The following RO60 variants were observed in gnomAD, a reference collection of about 807,000 sequenced individuals.
RO60 encodes the protein Ro60, Y RNA binding protein, also known as RNA-binding protein RO60.
In RO60, 20 loss-of-function variants were observed where a neutral mutation model predicts 55.3. That is an observed-to-expected ratio of 0.36 (90% confidence interval 0.25 to 0.53). RO60 has a LOEUF of 0.53. Among genes scored for constraint, RO60 ranks in the 20% least tolerant of loss-of-function variants. The pLI, the probability that RO60 is intolerant of heterozygous loss-of-function variation, is 0.92. For missense variants in RO60, 558 were observed against 646.6 expected, an observed-to-expected ratio of 0.86 and a Z score of 1.49; for synonymous variants, 213 against 213.6, an observed-to-expected ratio of 1.00 and a Z score of 0.02.
downstream of RO60, chr1:193,091,609 C>T: frequency 6.6e-7 from 1 of 1,525,680 alleles, no homozygotes; most frequent in Non-Finnish European, 9.0e-7. Context: ...CATGATAAAA[C>T]AGTTTTCACT....
intron 1 of RO60, among the ~76,000 whole-genome samples, chr1:193,067,121 T>G (rs1302853334): frequency 6.6e-6 from 1 of 152,066 alleles, no homozygotes; most frequent in Admixed American, 6.5e-5. Context: ...TGCATTGTGA[T>G]TCTATCCCCA....
chr1:193,091,453 A>C (rs778111043), downstream of RO60: 406 of 490,570 alleles, frequency 8.3e-4, 1 homozygote, highest in Middle Eastern at 2.7e-3. Context: ...AAAGGAGGGG[A>C]CAGGGAGCTT....
At chr1:193,091,615 T>G, downstream of RO60, 1 of 1,570,818 alleles carries the variant, frequency 6.4e-7, no homozygotes, top group Non-Finnish European at 8.7e-7. Context: ...AAAACAGTTT[T>G]CACTGATACT....
rs950312706 is a variant in RO60 at position 193,090,361 on chromosome 1, C to T, written c.*5630C>T. The T allele has an allele frequency of 3.3e-5, 5 of 151,496 alleles. No individual in the cohort carries two copies. The highest frequency in any genetic ancestry group is 4.2e-4 in the South Asian group (2 of 4,802). 9.4% of individuals were successfully genotyped at this position (151,496 alleles called of 1,614,324 possible). A position where few individuals can be genotyped will look rare whatever the true frequency, so the allele number is the denominator to read the frequency against. ...TAACGTAAACTATATATAATCCATA[C>T]GTAGCCAAATTAGATTTAAAATATA... On this transcript the variant is annotated 3_prime_UTR_variant, in exon 9 of 9. Transcript: ENST00000400968.
intron 5 of RO60, among the ~76,000 whole-genome samples, chr1:193,080,114 A>G (rs977971266): frequency 1.3e-5 from 2 of 152,078 alleles, no homozygotes; most frequent in African/African-American, 4.8e-5. Flanking sequence ...CTGGGCAACA[A>G]GAGTGAAACT....
Position 193,085,146 on chromosome 1 carries a change from C to T in RO60, c.*415C>T. The T allele has an allele frequency of 7.3e-7, 1 of 1,377,114 alleles. No individual in the cohort carries two copies. The highest frequency in any genetic ancestry group is 9.4e-7 in the Non-Finnish European group (1 of 1,064,120). The allele number at this position is 1,377,114 out of a possible 1,614,324, so 85.3% of individuals were successfully genotyped here. On this transcript the variant is annotated 3_prime_UTR_variant, in exon 9 of 9. Coordinates refer to ENST00000400968, the MANE Select transcript of RO60 (RefSeq NM_001173524.2). ...ACAGCTTTGATAATGTCCAAATACT[C>T]TGAAATGCACTAGACCATATAACTG...
At chr1:193,079,318 G>A (rs915373393) in intron 5 of RO60, among the ~76,000 whole-genome samples, 2 of 152,032 alleles carry the variant, frequency 1.3e-5, no homozygotes, top group African/African-American at 4.8e-5. Flanking sequence ...TGAACTCCTT[G>A]CCTCAAGTGA....
chr1:193,084,047 T>C (rs752413076), intron 8 of RO60, among the ~76,000 whole-genome samples: 7 of 152,228 alleles, frequency 4.6e-5, no homozygotes, highest in Non-Finnish European at 8.8e-5. Flanking sequence ...AAACAGTGCA[T>C]TGTAGTTTCT....
Position 193,087,944 on chromosome 1 carries a change from A to G in RO60, c.*3213A>G, listed in dbSNP as rs556204729. 6.6e-6 allele frequency: 1 copy of G among 152,182 alleles called. No homozygotes were observed. The highest frequency in any genetic ancestry group is 2.1e-4 in the South Asian group (1 of 4,830). 9.4% of individuals were successfully genotyped at this position (152,182 alleles called of 1,614,324 possible). On this transcript the variant is annotated 3_prime_UTR_variant, in exon 9 of 9. Transcript: ENST00000400968. The stretch of plus-strand genomic sequence containing the variant: ...TCACTATTCTCTACTGAAGAGGGAG[A>G]AAAAATATACTCCAAGATCTTCTTG...
intron 5 of RO60, 84 bp from the exon 6 acceptor site, chr1:193,081,280 G>GT: frequency 1.4e-6 from 1 of 716,916 alleles, no homozygotes; most frequent in Non-Finnish European, 2.3e-6. Context: ...TCTTTTTAAT[G>GT]TAAGATAAGT....
At chr1:193,075,756 A>G in intron 2 of RO60, 64 bp from the exon 3 acceptor site, 1 of 1,228,334 alleles carries the variant, frequency 8.1e-7, no homozygotes, top group Admixed American at 2.2e-5. Context: ...CATTTTGAGG[A>G]AACATGTTCT....
intron 5 of RO60, among the ~76,000 whole-genome samples, chr1:193,081,099 T>A (rs1674279535): frequency 6.6e-6 from 1 of 152,164 alleles, no homozygotes; most frequent in Admixed American, 6.5e-5. Flanking sequence ...AAAAATAGGA[T>A]GGTAACTTAT....
intron 2 of RO60, among the ~76,000 whole-genome samples, chr1:193,074,613 T>A (rs6671794): frequency 0.022 from 3,307 of 152,258 alleles, 116 homozygotes; most frequent in African/African-American, 0.076. Flanking sequence ...GTTTGAGTTC[T>A]TTGTAGATTC....
At chr1:193,063,590 C>T (rs1209999470) in intron 1 of RO60, among the ~76,000 whole-genome samples, 1 of 151,930 alleles carries the variant, frequency 6.6e-6, no homozygotes, top group East Asian at 1.9e-4. Flanking sequence ...TTTATTTTGT[C>T]ACTTTTGCCT....
At chr1:193,079,942 C>T (rs932817776) in intron 5 of RO60, among the ~76,000 whole-genome samples, 3 of 144,670 alleles carry the variant, frequency 2.1e-5, no homozygotes, top group Non-Finnish European at 3.0e-5. Flanking sequence ...GCCTGGCCAA[C>T]ATGGTGATAC....
chr1:193,075,789 C>G, intron 2 of RO60, 31 bp from the exon 3 acceptor site: 5 of 1,499,588 alleles, frequency 3.3e-6, no homozygotes, highest in Non-Finnish European at 3.6e-6. Flanking sequence ...GGTAATCCTG[C>G]ATGCTTTTTC....
At position 193,088,559 on chromosome 1, in the gene RO60, GACTT is replaced by G. The variant is rs1161556508; in HGVS notation, c.*3833_*3836del. The G allele has an allele frequency of 3.3e-5, 5 of 151,968 alleles. No individual in the cohort carries two copies. Among genetic ancestry groups the G allele is most frequent in the Admixed American group, 3.3e-4 (5 of 15,246 alleles). 9.4% of individuals were successfully genotyped at this position (151,968 alleles called of 1,614,324 possible). ...CCTAAATCATTGTAATGTTTTGTTG[GACTT>G]ACTTTAACTTGACCTGTTGTAGCCA... On this transcript the variant is annotated 3_prime_UTR_variant, in exon 9 of 9. Transcript: ENST00000400968.
intron 1 of RO60, among the ~76,000 whole-genome samples, chr1:193,061,713 C>T (rs1278710513): frequency 2.0e-5 from 3 of 152,192 alleles, no homozygotes; most frequent in Admixed American, 6.5e-5. Flanking sequence ...GGCCGGGCAC[C>T]GTGGCTCACG....
Position 193,060,104 on chromosome 1 carries a change from C to G in RO60, c.-22+328C>G. 1.1e-5 allele frequency: 14 copies of G among 1,220,500 alleles called. No individual in the cohort carries two copies. In the Middle Eastern group the frequency reaches 1.1e-3, roughly 98 times the overall value. The allele number at this position is 1,220,500 out of a possible 1,614,324, so 75.6% of individuals were successfully genotyped here. A position where few individuals can be genotyped will look rare whatever the true frequency, so the allele number is the denominator to read the frequency against. ...CTGCTTTACTCCTCCTCTTTCTCCT[C>G]CTTCTCCCGCGGCTTCTGCGCGGAG... On this transcript the variant is annotated intron_variant, in intron 1 of 8. Transcript: ENST00000400968.
Sources: allele counts gnomAD v4.1 joint callset (sites outside exome capture counted in the v4.1 genomes callset), GRCh38; gene constraint gnomAD v4.1.1; transcripts MANE v1.5; gene names NCBI Gene and HGNC (gene_info 2026-07-23, HGNC 2026-07-21).